MECOM: variants seen among roughly 807,000 people sequenced by gnomAD.
MECOM encodes histone-lysine N-methyltransferase MECOM.
A neutral mutation model predicts 116.3 loss-of-function variants in MECOM; 13 were observed. That is an observed-to-expected ratio of 0.11 (90% CI 0.07 to 0.18). The LOEUF (loss-of-function observed/expected upper bound fraction) is 0.18. MECOM is among the 10% of genes least tolerant of loss of function. The pLI is 1.00. For synonymous variants in MECOM, 528 were observed against 535.2 expected (o/e 0.99, Z 0.19); for missense variants, 1,299 against 1,509.0 (o/e 0.86, Z 2.31).
At chr3:169,322,320 G>C (rs1207431733) in intron 2 of MECOM, among the ~76,000 whole-genome samples, 18 of 152,166 alleles carry the variant, frequency 1.2e-4, no homozygotes, top group Non-Finnish European at 2.6e-4. Context: ...TATTTGGCCA[G>C]ATTGGGAATT....
intron 2 of MECOM, among the ~76,000 whole-genome samples, chr3:169,234,989 G>T (rs1159580293): frequency 6.6e-6 from 1 of 152,158 alleles, no homozygotes; most frequent in Non-Finnish European, 1.5e-5. Context: ...TTCAGGGCTT[G>T]CCCTTAGCTT....
chr3:169,151,853 A>G (rs1022076160), intron 2 of MECOM, among the ~76,000 whole-genome samples: 2 of 152,074 alleles, frequency 1.3e-5, no homozygotes, highest in Admixed American at 1.3e-4. Flanking sequence ...ATTTCTCCCA[A>G]TTTGTCTTTC....
At position 169,117,993 on chromosome 3, in the gene MECOM, T is replaced by G. The variant is rs544263325; in HGVS notation, c.1133-1254A>C. On this transcript the variant is annotated intron_variant, in intron 7 of 16. Coordinates refer to ENST00000651503, the MANE Select transcript of MECOM (RefSeq NM_004991.4). ...TTGTTGGTAATTGTTGAAGCAAATT[T>G]ATTTTAAGAAATTAAATTGAAGACA... 3.4e-3 allele frequency among the ~76,000 whole-genome samples: 524 copies of G among 152,310 alleles called. 4 individuals carry two copies. The highest frequency in any genetic ancestry group is 0.012 in the African/African-American group (510 of 41,568).
In MECOM at chr3:169,648,518, G is replaced by T. The variant is rs142432384; in HGVS notation, c.37+14818C>A. On this transcript the variant is annotated intron_variant, in intron 1 of 16. Transcript: ENST00000651503. ...TATCAACAGAATACGTAAATCACTC[G>T]CATCTTAAGCATTTAGGCAAATGGG... 2.0e-3 allele frequency among the ~76,000 whole-genome samples: 311 copies of T among 152,244 alleles called. 1 individual carries two copies. Among genetic ancestry groups the T allele is most frequent in the African/African-American group, 6.2e-3 (257 of 41,528 alleles).
chr3:169,096,727 T>C (rs1721620083), intron 12 of MECOM, among the ~76,000 whole-genome samples: 1 of 152,310 alleles, frequency 6.6e-6, no homozygotes, highest in Non-Finnish European at 1.5e-5. Context: ...CTAGAGTTCT[T>C]GGGCTTCTGT....
chr3:169,403,887 C>T (rs764790565), intron 1 of MECOM, among the ~76,000 whole-genome samples: 2 of 152,092 alleles, frequency 1.3e-5, no homozygotes, highest in Non-Finnish European at 2.9e-5. Flanking sequence ...AACTGATGAA[C>T]ATAATAAAAT....
chr3:169,314,789 A>T (rs1719445099), intron 2 of MECOM, among the ~76,000 whole-genome samples: 1 of 152,236 alleles, frequency 6.6e-6, no homozygotes, highest in South Asian at 2.1e-4. Context: ...AAGGGATATT[A>T]ATTTTAGGGC....
chr3:169,308,338 T>C (rs1267254445), intron 2 of MECOM, among the ~76,000 whole-genome samples: 2 of 152,208 alleles, frequency 1.3e-5, no homozygotes, highest in African/African-American at 2.4e-5. Context: ...ATTTCCTGAA[T>C]ATTGGTATTT....
intron 1 of MECOM, among the ~76,000 whole-genome samples, chr3:169,597,472 T>C (rs2109703582): frequency 6.6e-6 from 1 of 152,334 alleles, no homozygotes; most frequent in African/African-American, 2.4e-5. Flanking sequence ...GAACTTTGAC[T>C]TATGGGGCCT....
At chr3:169,559,042 A>ACG (rs1033036012) in intron 1 of MECOM, among the ~76,000 whole-genome samples, 12 of 144,120 alleles carry the variant, frequency 8.3e-5, no homozygotes, top group African/African-American at 2.9e-4. Flanking sequence ...ATACACACAC[A>ACG]CGCGCACACA....
intron 1 of MECOM, among the ~76,000 whole-genome samples, chr3:169,460,876 C>A (rs1304313906): frequency 6.6e-6 from 1 of 152,124 alleles, no homozygotes; most frequent in Non-Finnish European, 1.5e-5. Flanking sequence ...CAAAGGGGAA[C>A]CAATTAATTT....
At chr3:169,086,622 A>T (rs963488647) in intron 16 of MECOM, 1 of 699,852 alleles carries the variant, frequency 1.4e-6, no homozygotes, top group African/African-American at 1.7e-5. Context: ...TGGAGGAATC[A>T]CATGCACTAA....
rs540021807 is a variant in MECOM at position 169,127,314 on chromosome 3, T to C, written c.830+530A>G. Among the ~76,000 whole-genome samples, 145 of 152,230 alleles carry C rather than the reference T, an allele frequency of 9.5e-4. 1 individual carries two copies. Among genetic ancestry groups the C allele is most frequent in the African/African-American group, 3.2e-3 (132 of 41,574 alleles). On this transcript the variant is annotated intron_variant, in intron 5 of 16. Coordinates refer to ENST00000651503, the MANE Select transcript of MECOM (RefSeq NM_004991.4). ...CATTTACGTTATTGTGTTTCTCTTT[T>C]TCCTTTTAGGAAATTCAACACTTTG...
chr3:169,558,031 A>T (rs1057099699), intron 1 of MECOM, among the ~76,000 whole-genome samples: 5 of 152,198 alleles, frequency 3.3e-5, no homozygotes, highest in Non-Finnish European at 7.3e-5. Flanking sequence ...AGGATTTTTT[A>T]AAAGATTTTT....
chr3:169,656,707 A>G (rs1269210993), intron 1 of MECOM, among the ~76,000 whole-genome samples: 1 of 152,130 alleles, frequency 6.6e-6, no homozygotes, highest in Non-Finnish European at 1.5e-5. Context: ...TTACCCACTA[A>G]ATGTTATGGG....
intron 1 of MECOM, among the ~76,000 whole-genome samples, chr3:169,533,715 C>G (rs532319949): frequency 6.6e-6 from 1 of 152,068 alleles, no homozygotes; most frequent in South Asian, 2.1e-4. Context: ...AAGTTCCTCA[C>G]AGAGGTTTTT....
At chr3:169,238,562 C>A (rs931926306) in intron 2 of MECOM, among the ~76,000 whole-genome samples, 1 of 152,088 alleles carries the variant, frequency 6.6e-6, no homozygotes, top group South Asian at 2.1e-4. Context: ...ACCAAAAAAA[C>A]CCCACGAACA....
At chr3:169,415,763 A>T (rs908234815) in intron 1 of MECOM, among the ~76,000 whole-genome samples, 11 of 151,800 alleles carry the variant, frequency 7.2e-5, no homozygotes, top group African/African-American at 2.7e-4. Context: ...TTAAACCAAC[A>T]AATATAAAAA....
At chr3:169,298,348 A>C (rs1327631091) in intron 2 of MECOM, among the ~76,000 whole-genome samples, 1 of 152,008 alleles carries the variant, frequency 6.6e-6, no homozygotes, top group Non-Finnish European at 1.5e-5. Flanking sequence ...TATGTATTAA[A>C]TGTTATATAT....
Sources: gnomAD v4.1 joint callset for allele counts (sites outside exome capture counted in the v4.1 genomes callset) on GRCh38, gnomAD v4.1.1 for gene constraint, MANE v1.5 for transcripts, NCBI Gene and HGNC (gene_info 2026-07-23, HGNC 2026-07-21) for gene names.